SUGP1: variants seen among roughly 807,000 people sequenced by gnomAD.
SUGP1 encodes the protein SURP and G-patch domain containing 1.
SUGP1 carries 34 observed loss-of-function variants against 76.5 expected under a neutral mutation model. The ratio of observed to expected loss-of-function variants is 0.44; its 90% CI spans 0.34 to 0.59. The LOEUF (loss-of-function observed/expected upper bound fraction) is 0.59, where lower values mean the gene tolerates loss of function less well. Ranked by LOEUF, SUGP1 falls within the 20% of genes least tolerant of loss-of-function variation. The pLI, the probability that SUGP1 is intolerant of heterozygous loss-of-function variation, is 0.01. For missense variants in SUGP1, 752 were observed against 851.7 expected (o/e 0.88, Z 1.46); for synonymous variants, 326 against 326.2 (o/e 1.00, Z 0.01).
At chr19:19,317,795 C>G (rs1004698654) in intron 1 of SUGP1, among the ~76,000 whole-genome samples, 2 of 148,128 alleles carry the variant, frequency 1.4e-5, no homozygotes, top group Non-Finnish European at 3.0e-5. Flanking sequence ...CATGAGGCAC[C>G]GTGCCCCAGT....
At chr19:19,311,378 T>C (rs1859287) in intron 2 of SUGP1, among the ~76,000 whole-genome samples, 35,089 of 150,824 alleles carry the variant, frequency 0.23, 4,596 homozygotes, top group South Asian at 0.35. Context: ...GAAGATAAAA[T>C]ATAAAATGCC....
At position 19,303,361 on chromosome 19, in the gene SUGP1, T is replaced by C. The variant is rs758261723; in HGVS notation, c.750A>G (p.Ala250=). The change falls in exon 6 of 14, where the codon GCA becomes GCG. Residue 250 remains alanine (A), a synonymous_variant. Transcript: ENST00000247001. ...CCGTCCACCTACCTTTCTGAGAGGC[T>C]GCCTGCGACTTCTGTGCTTCCTTTC... ...EIRKEAQKSQ[A]ASQKVSPPED... The C allele has an allele frequency of 1.1e-5, 18 of 1,614,048 alleles. No individual in the cohort carries two copies. The highest frequency in any genetic ancestry group is 1.4e-5 in the Non-Finnish European group (16 of 1,180,002).
chr19:19,287,286 C>T (rs368422198), intron 8 of SUGP1, among the ~76,000 whole-genome samples: 9 of 151,778 alleles, frequency 5.9e-5, no homozygotes, highest in South Asian at 4.2e-4. Context: ...ATAGGTGAGG[C>T]GAGGTGGCTC....
At chr19:19,291,380 A>G (rs1428576523) in intron 8 of SUGP1, among the ~76,000 whole-genome samples, 1 of 152,198 alleles carries the variant, frequency 6.6e-6, no homozygotes, top group Non-Finnish European at 1.5e-5. Flanking sequence ...GAGAAGACTC[A>G]ATTACTAAAA....
chr19:19,289,640 C>T (rs547909159), intron 8 of SUGP1, among the ~76,000 whole-genome samples: 3 of 151,964 alleles, frequency 2.0e-5, no homozygotes, highest in South Asian at 2.1e-4. Flanking sequence ...CCCAGCTACT[C>T]GGGAGACTGA....
At chr19:19,279,188 C>G in intron 10 of SUGP1, 25 bp downstream of exon 10, 1 of 1,534,024 alleles carries the variant, frequency 6.5e-7, no homozygotes, top group Non-Finnish European at 8.8e-7. Context: ...CAGCCCAGCC[C>G]GGCCCACCCC....
At chr19:19,297,454 T>C (rs2061236902) in intron 7 of SUGP1, 110 bp from the exon 8 acceptor site, 4 of 764,472 alleles carry the variant, frequency 5.2e-6, no homozygotes, top group Admixed American at 3.0e-5. Context: ...AGGGTCACTA[T>C]ATGGTCATGT....
rs753871140 is a variant in SUGP1 at position 19,320,478 on chromosome 19, T to G, written c.19A>C (p.Asn7His). 2 of 1,610,110 alleles carry G rather than the reference T, an allele frequency of 1.2e-6. No individual in the cohort carries two copies. The highest frequency in any genetic ancestry group is 1.3e-5 in the African/African-American group (1 of 74,892). Reference protein sequence around the residue: MSLKMDNRDVAGKANRW... With the variant: MSLKMDHRDVAGKANRW... ...GGGCTGTTACCTGCAACATCCCGGT[T>G]GTCCATCTTGAGACTCATCCAATCC... is the stretch of plus-strand genomic sequence containing the variant. Residue 7 changes from asparagine to histidine, a missense_variant, in exon 1 of 14, where the codon AAC becomes CAC. Physicochemically the swap from Asn to His is moderately conservative, Grantham distance 68. This residue lies in a region of SUGP1 where 620 missense variants were observed against 617.3 expected (regional missense o/e 1.00). Transcript: ENST00000247001.
At chr19:19,297,954 C>A (rs534910239) in intron 7 of SUGP1, among the ~76,000 whole-genome samples, 1 of 152,320 alleles carries the variant, frequency 6.6e-6, no homozygotes, top group Non-Finnish European at 1.5e-5. Flanking sequence ...CACCTACTGG[C>A]GCCTCTCGGA....
intron 10 of SUGP1, 77 bp downstream of exon 10, chr19:19,279,136 G>A (rs1452557779): frequency 2.0e-5 from 28 of 1,423,546 alleles, no homozygotes; most frequent in South Asian, 4.2e-5. Flanking sequence ...CACGTGTGGC[G>A]CATCCAGGTA....
At chr19:19,310,010 G>A in intron 3 of SUGP1, 87 bp downstream of exon 3, 1 of 978,020 alleles carries the variant, frequency 1.0e-6, no homozygotes, top group Non-Finnish European at 1.6e-6. Flanking sequence ...GCAGGAGTCT[G>A]AGGTGGGACC....
At chr19:19,318,395 C>T (rs2061410922) in intron 1 of SUGP1, among the ~76,000 whole-genome samples, 1 of 152,096 alleles carries the variant, frequency 6.6e-6, no homozygotes, top group Non-Finnish European at 1.5e-5. Flanking sequence ...GCTGGGATTA[C>T]AGGCGTGAGC....
intron 3 of SUGP1, among the ~76,000 whole-genome samples, chr19:19,308,516 T>C (rs551270983): frequency 1.5e-3 from 235 of 152,358 alleles, no homozygotes; most frequent in African/African-American, 5.5e-3. Flanking sequence ...CACGGGGTGG[T>C]ACCCGATGAA....
intron 8 of SUGP1, among the ~76,000 whole-genome samples, chr19:19,294,969 G>A (rs1173081200): frequency 6.6e-6 from 1 of 152,130 alleles, no homozygotes; most frequent in Non-Finnish European, 1.5e-5. Context: ...CTATAAAAGA[G>A]AACTCGTACA....
At chr19:19,310,544 T>C (rs1173580904) in intron 2 of SUGP1, among the ~76,000 whole-genome samples, 1 of 152,226 alleles carries the variant, frequency 6.6e-6, no homozygotes, top group Non-Finnish European at 1.5e-5. Context: ...CCCTTGCTAG[T>C]TGATTATCTG....
chr19:19,305,492 C>T (rs187398464), intron 4 of SUGP1, among the ~76,000 whole-genome samples: 125 of 152,336 alleles, frequency 8.2e-4, no homozygotes, highest in Non-Finnish European at 2.1e-4. Context: ...AAGGGCTCAG[C>T]GGAAGAGCCT....
At chr19:19,279,772 C>T (rs572504654) in intron 9 of SUGP1, among the ~76,000 whole-genome samples, 33 of 152,328 alleles carry the variant, frequency 2.2e-4, no homozygotes, top group African/African-American at 7.0e-4. Flanking sequence ...AACTGGGAGG[C>T]CTCAAGTCCC....
intron 3 of SUGP1, among the ~76,000 whole-genome samples, chr19:19,309,680 G>A (rs1472380373): frequency 6.6e-6 from 1 of 152,202 alleles, no homozygotes; most frequent in Non-Finnish European, 1.5e-5. Flanking sequence ...GGAGGCTGAG[G>A]TGGGCGGATC....
At chr19:19,320,382 C>G (rs2061434580) in intron 1 of SUGP1, 81 bp downstream of exon 1, 4 of 1,486,532 alleles carry the variant, frequency 2.7e-6, no homozygotes, top group Admixed American at 2.0e-5. Flanking sequence ...CGGGTCGCAG[C>G]AGGACGGACC....
Sources: allele counts gnomAD v4.1 joint callset (sites outside exome capture counted in the v4.1 genomes callset), GRCh38; gene constraint gnomAD v4.1.1; regional missense constraint gnomAD v4.1.1; transcripts MANE v1.5; gene names NCBI Gene and HGNC (gene_info 2026-07-23, HGNC 2026-07-21).